TNNI3K: variants seen among roughly 807,000 people sequenced by gnomAD.
TNNI3K encodes serine/threonine-protein kinase TNNI3K.
A neutral mutation model predicts 114.5 loss-of-function variants in TNNI3K; 140 were observed. The observed-to-expected ratio is 1.22, with a 90% confidence interval of 1.07 to 1.41. The LOEUF is 1.41. Ranked by LOEUF, TNNI3K falls within the 40% of genes most tolerant of loss-of-function variation. The pLI is 0.00. For missense variants in TNNI3K, 1,125 were observed against 1,007.6 expected, an observed-to-expected ratio of 1.12 and a Z score of -1.58; for synonymous variants, 347 against 347.5, an observed-to-expected ratio of 1.00 and a Z score of 0.02.
chr1:74,367,871 C>G, intron 12 of TNNI3K, 37 bp from the exon 13 acceptor site: 1 of 1,532,574 alleles, frequency 6.5e-7, no homozygotes, highest in Non-Finnish European at 8.8e-7. Flanking sequence ...AAAAAATGAT[C>G]GCTACTTTCA....
chr1:74,514,373 A>G (rs1276785661), intron 23 of TNNI3K, among the ~76,000 whole-genome samples: 6 of 152,220 alleles, frequency 3.9e-5, no homozygotes, highest in Non-Finnish European at 7.3e-5. Flanking sequence ...ATACACTTGC[A>G]CAGAAGTTCC....
At position 74,465,757 on chromosome 1, in the gene TNNI3K, T is replaced by G. The variant is rs185072635; in HGVS notation, c.2121+2207T>G. On this transcript the variant is annotated intron_variant, in intron 21 of 24. Transcript: ENST00000326637. ...GGGTCTTGGAGAACTTTTATGTCTA[T>G]CTAGAGGGTTGTAAATGCACCAATC... 6.0e-4 allele frequency among the ~76,000 whole-genome samples: 92 copies of G among 152,230 alleles called. 1 individual carries two copies. Among genetic ancestry groups the G allele is most frequent in the African/African-American group, 1.7e-3 (72 of 41,538 alleles).
At chr1:74,477,173 T>TA (rs1270703683) in intron 21 of TNNI3K, among the ~76,000 whole-genome samples, 1 of 152,084 alleles carries the variant, frequency 6.6e-6, no homozygotes, top group Admixed American at 6.6e-5. Context: ...AAGAATATAT[T>TA]AAAAAATTAA....
chr1:74,450,412 GAACTA>G (rs748385259), intron 20 of TNNI3K, among the ~76,000 whole-genome samples: 6 of 152,040 alleles, frequency 3.9e-5, no homozygotes, highest in Non-Finnish European at 2.9e-5. Context: ...AATCAGAGCA[GAACTA>G]AACTAAAGAA....
chr1:74,417,719 T>A (rs1276874995), intron 17 of TNNI3K, among the ~76,000 whole-genome samples: 1 of 77,046 alleles, frequency 1.3e-5, no homozygotes, highest in African/African-American at 3.4e-5. Context: ...TGTGTGTGTG[T>A]GTGTGTGTGT....
At position 74,441,029 on chromosome 1, in the gene TNNI3K, G is replaced by T. The variant is rs143573878; in HGVS notation, c.2011+1407G>T. 3.1e-3 allele frequency among the ~76,000 whole-genome samples: 471 copies of T among 152,056 alleles called. 3 individuals are homozygous for T. Among genetic ancestry groups the T allele is most frequent in the Non-Finnish European group, 4.7e-3 (320 of 67,980 alleles). On this transcript the variant is annotated intron_variant, in intron 20 of 24. Transcript: ENST00000326637. ...CCACTTACCATCATCCACCACCATC[G>T]TAGCCCAAGCCATCTTTCCTTTAAA...
chr1:74,241,478 G>T (rs1654204571), intron 2 of TNNI3K, among the ~76,000 whole-genome samples: 1 of 152,196 alleles, frequency 6.6e-6, no homozygotes, highest in Non-Finnish European at 1.5e-5. Flanking sequence ...CATTCTAACT[G>T]GTGTGAGATG....
chr1:74,451,759 TTTCTTTTC>T (rs201016075), intron 20 of TNNI3K, among the ~76,000 whole-genome samples: 826 of 45,646 alleles, frequency 0.018, 41 homozygotes, highest in African/African-American at 0.048. Context: ...TTTCTTTTCT[TTTCTTTTC>T]TTCTTTTCTT....
intron 23 of TNNI3K, among the ~76,000 whole-genome samples, chr1:74,503,824 C>T (rs182602942): frequency 9.9e-4 from 150 of 152,222 alleles, no homozygotes; most frequent in African/African-American, 3.3e-3. Flanking sequence ...CAGAAAATCT[C>T]CTAATGTTGT....
At position 74,451,735 on chromosome 1, in the gene TNNI3K, CTTTCTTTCTTT is replaced by C. The variant is rs1297490350; in HGVS notation, c.2012-11705_2012-11695del. Among the ~76,000 whole-genome samples the C allele has an allele frequency of 9.9e-5, 4 of 40,472 alleles. 1 individual carries two copies. Among genetic ancestry groups the C allele is most frequent in the African/African-American group, 3.2e-4 (4 of 12,380 alleles). The allele number at this position is 40,472 out of a possible 152,430, so 26.6% of individuals were successfully genotyped here. Reference sequence around the variant, plus strand: ...TCTTTCTTTCTTTCTTTCTTTCTTTCTTTCTTTCTTTCTTTTCTTTTCTTTTCTTTTCTTCT... The same window carrying C: ...TCTTTCTTTCTTTCTTTCTTTCTTTCCTTTTCTTTTCTTTTCTTTTCTTCT... On this transcript the variant is annotated intron_variant, in intron 20 of 24. Transcript: ENST00000326637.
chr1:74,497,571 C>A (rs867095342), intron 23 of TNNI3K, among the ~76,000 whole-genome samples: 1 of 151,732 alleles, frequency 6.6e-6, no homozygotes, highest in Non-Finnish European at 1.5e-5. Flanking sequence ...CATGCACACA[C>A]ACACACACAC....
chr1:74,521,522 ATATATATACACC>A (rs1557625065), intron 23 of TNNI3K, among the ~76,000 whole-genome samples: 1 of 152,128 alleles, frequency 6.6e-6, no homozygotes, highest in Non-Finnish European at 1.5e-5. Flanking sequence ...ATGTGTATAT[ATATATATACACC>A]TATATATACA....
At chr1:74,421,736 A>T (rs1047827687) in intron 17 of TNNI3K, among the ~76,000 whole-genome samples, 1 of 151,976 alleles carries the variant, frequency 6.6e-6, no homozygotes, top group African/African-American at 2.4e-5. Flanking sequence ...GTAAAGACAT[A>T]AGCCATTCTG....
intron 5 of TNNI3K, among the ~76,000 whole-genome samples, chr1:74,280,233 T>G (rs1457834779): frequency 6.6e-6 from 1 of 151,866 alleles, no homozygotes; most frequent in Non-Finnish European, 1.5e-5. Flanking sequence ...ATACAAAAAA[T>G]TAGCTGGGCG....
chr1:74,307,577 A>G (rs566108569), intron 5 of TNNI3K, among the ~76,000 whole-genome samples: 1 of 152,242 alleles, frequency 6.6e-6, no homozygotes, highest in Non-Finnish European at 1.5e-5. Flanking sequence ...CAAATCAACA[A>G]TAAGTTTTAA....
intron 17 of TNNI3K, among the ~76,000 whole-genome samples, chr1:74,426,917 G>A (rs1048854675): frequency 4.6e-5 from 7 of 152,062 alleles, no homozygotes; most frequent in Admixed American, 3.3e-4. Context: ...AGGGAAAAAA[G>A]AGTAAGTAAT....
chr1:74,507,082 A>C (rs1442610331), intron 23 of TNNI3K, among the ~76,000 whole-genome samples: 2 of 152,210 alleles, frequency 1.3e-5, no homozygotes, highest in Non-Finnish European at 2.9e-5. Flanking sequence ...TTAGTTACAA[A>C]TATTACATAG....
At chr1:74,410,345 T>C (rs1014527549) in intron 17 of TNNI3K, among the ~76,000 whole-genome samples, 9 of 152,184 alleles carry the variant, frequency 5.9e-5, no homozygotes, top group African/African-American at 2.2e-4. Flanking sequence ...ATCACGCAAC[T>C]AGTTAATGGC....
intron 9 of TNNI3K, among the ~76,000 whole-genome samples, chr1:74,344,426 A>G (rs1463046655): frequency 6.6e-6 from 1 of 152,202 alleles, no homozygotes; most frequent in Non-Finnish European, 1.5e-5. Context: ...CTAATTCTAA[A>G]TCCTGTGCTT....
Sources: allele counts gnomAD v4.1 joint callset (sites outside exome capture counted in the v4.1 genomes callset), GRCh38; gene constraint gnomAD v4.1.1; transcripts MANE v1.5; gene names NCBI Gene and HGNC (gene_info 2026-07-23, HGNC 2026-07-21).